NGEF: variants seen among roughly 807,000 people sequenced by gnomAD.
The protein encoded by NGEF is ephexin-1.
NGEF carries 31 observed loss-of-function variants against 80.9 expected under a neutral mutation model. The ratio of observed to expected loss-of-function variants is 0.38; its 90% confidence interval spans 0.29 to 0.52. The LOEUF (loss-of-function observed/expected upper bound fraction) is 0.52. Ranked by LOEUF, NGEF falls within the 20% of genes least tolerant of loss-of-function variation. The pLI, the probability that NGEF is intolerant of heterozygous loss-of-function variation, is 0.84. For synonymous variants in NGEF, 371 were observed against 370.2 expected (o/e 1.00, Z -0.03); for missense variants, 709 against 926.2 (o/e 0.77, Z 3.04).
intron 3 of NGEF, among the ~76,000 whole-genome samples, chr2:232,953,317 A>G (rs1171415708): frequency 3.8e-4 from 56 of 148,612 alleles, no homozygotes; most frequent in African/African-American, 1.2e-3. Flanking sequence ...AAAAAAAAAA[A>G]AAAGAAAAAG....
At chr2:232,971,457 G>A (rs1694182308) in intron 2 of NGEF, among the ~76,000 whole-genome samples, 1 of 152,306 alleles carries the variant, frequency 6.6e-6, no homozygotes, top group South Asian at 2.1e-4. Flanking sequence ...GGCTGAGGTG[G>A]GCGGATCACT....
intron 5 of NGEF, among the ~76,000 whole-genome samples, chr2:232,898,982 GTGAA>G (rs1484489986): frequency 2.0e-5 from 3 of 152,152 alleles, no homozygotes; most frequent in African/African-American, 7.2e-5. Context: ...ATGTGTGTGT[GTGAA>G]TGTGAGTGTG....
chr2:233,008,790 C>G (rs1695141859), intron 1 of NGEF, among the ~76,000 whole-genome samples: 2 of 151,576 alleles, frequency 1.3e-5, no homozygotes, highest in African/African-American at 4.8e-5. Context: ...AAAACTTTAC[C>G]ATCTGCATCT....
intron 5 of NGEF, among the ~76,000 whole-genome samples, chr2:232,899,787 CACAT>C (rs1268378013): frequency 1.7e-5 from 2 of 116,752 alleles, no homozygotes; most frequent in Non-Finnish European, 3.6e-5. Flanking sequence ...CACGTTCACT[CACAT>C]TCACTCACAC....
intron 3 of NGEF, among the ~76,000 whole-genome samples, chr2:232,952,300 T>C (rs893046461): frequency 5.9e-5 from 9 of 152,250 alleles, no homozygotes; most frequent in African/African-American, 2.2e-4. Flanking sequence ...CCAACAGATA[T>C]CTATAGAGCA....
chr2:232,884,247 G>A (rs2106215049), intron 10 of NGEF, 103 bp from the exon 11 acceptor site: 1 of 1,316,552 alleles, frequency 7.6e-7, no homozygotes, highest in South Asian at 1.6e-5. Flanking sequence ...CCTGCCCAGG[G>A]CCCCGACACA....
At chr2:232,893,469 A>G (rs984655033) in intron 6 of NGEF, among the ~76,000 whole-genome samples, 2 of 152,220 alleles carry the variant, frequency 1.3e-5, no homozygotes, top group South Asian at 2.1e-4. Flanking sequence ...ATACAAATAC[A>G]TAAGACAGAA....
At chr2:232,919,345 G>A (rs1692884150) in intron 5 of NGEF, among the ~76,000 whole-genome samples, 1 of 152,190 alleles carries the variant, frequency 6.6e-6, no homozygotes, top group Non-Finnish European at 1.5e-5. Context: ...GGACAAGCGC[G>A]AGGAATGCAG....
At chr2:232,895,363 C>A (rs979533208) in intron 5 of NGEF, among the ~76,000 whole-genome samples, 4 of 151,988 alleles carry the variant, frequency 2.6e-5, no homozygotes, top group Non-Finnish European at 4.4e-5. Flanking sequence ...CCTGTCTCTA[C>A]TAAAAATACA....
At chr2:232,914,944 G>T (rs945085255) in intron 5 of NGEF, among the ~76,000 whole-genome samples, 2 of 151,316 alleles carry the variant, frequency 1.3e-5, no homozygotes, top group African/African-American at 4.9e-5. Context: ...TTGAGCCTGG[G>T]AGGCAGAGGC....
rs757804348 is a variant in NGEF, at chr2:232,885,355, G to A, written c.1362C>T (p.Cys454=). Residue 454 remains cysteine, a synonymous_variant, in exon 10 of 15, where the codon TGC becomes TGT. Coordinates refer to ENST00000264051, the MANE Select transcript of NGEF (RefSeq NM_019850.3). ...HKELEMVVKA[C]NEGVRKMSRT... The stretch of plus-strand genomic sequence containing the variant: ...GGCTCATTTTCCTGACGCCCTCGTT[G>A]CATGCCTTCACCACCTGGGACAAGA... 1 of 1,614,052 alleles carries A rather than the reference G, an allele frequency of 6.2e-7. No homozygotes were observed. Among genetic ancestry groups the A allele is most frequent in the Non-Finnish European group, 8.5e-7 (1 of 1,179,972 alleles).
intron 3 of NGEF, among the ~76,000 whole-genome samples, chr2:232,938,469 T>C (rs1693373996): frequency 6.6e-6 from 1 of 152,066 alleles, no homozygotes. Context: ...GAGATATGGG[T>C]TTCTCTGGAC....
rs559376288 is a variant in NGEF, at chr2:232,901,922, C to T, written c.829-7006G>A. On this transcript the variant is annotated intron_variant, in intron 5 of 14. Transcript: ENST00000264051. ...TCTCCAGTATGCTGCTGGGAGCTAT[C>T]AGGGCCACCTGGGCCGCTGAAGACC... 4.6e-5 allele frequency among the ~76,000 whole-genome samples: 7 copies of T among 152,378 alleles called. No homozygotes were observed. The South Asian group carries it at 8.3e-4, about 18-fold the overall frequency.
intron 9 of NGEF, among the ~76,000 whole-genome samples, chr2:232,886,534 TTTC>T (rs1397896394): frequency 6.6e-6 from 1 of 152,236 alleles, no homozygotes; most frequent in Admixed American, 6.5e-5. Context: ...TGAAGTTTAT[TTTC>T]TTTTTACTTA....
At chr2:232,937,468 G>C (rs555633656) in intron 3 of NGEF, among the ~76,000 whole-genome samples, 1 of 152,272 alleles carries the variant, frequency 6.6e-6, no homozygotes, top group East Asian at 1.9e-4. Flanking sequence ...GTTAATGGAC[G>C]ATCCAGGCTG....
At chr2:232,948,105 G>A (rs1277582132) in intron 3 of NGEF, among the ~76,000 whole-genome samples, 1 of 151,646 alleles carries the variant, frequency 6.6e-6, no homozygotes, top group African/African-American at 2.4e-5. Context: ...GACATTTTGA[G>A]GACAATTGGG....
Position 232,949,419 on chromosome 2 carries a change from A to C in NGEF, c.383+20795T>G, listed in dbSNP as rs77148364. On this transcript the variant is annotated intron_variant, in intron 3 of 14. Transcript: ENST00000264051. ...AATATCTTTACTGCTTTTCACATAT[A>C]TTATGGAATTACAAAAGATTATACT... Among the ~76,000 whole-genome samples, 267 of 152,040 alleles carry C rather than the reference A, an allele frequency of 1.8e-3. 1 individual carries two copies. Among genetic ancestry groups the C allele is most frequent in the African/African-American group, 6.2e-3 (256 of 41,466 alleles).
rs79700910 is a variant in NGEF, at chr2:232,964,428, C to T, written c.383+5786G>A. Among the ~76,000 whole-genome samples the T allele has an allele frequency of 5.6e-3, 846 of 152,256 alleles. 19 individuals are homozygous for T. The East Asian group carries it at 0.076, about 14-fold the overall frequency. On this transcript the variant is annotated intron_variant, in intron 3 of 14. Coordinates refer to ENST00000264051, the MANE Select transcript of NGEF (RefSeq NM_019850.3). ...ATAATTTGGGCCGGGCGCGGTGGCT[C>T]GCACCTGTAATCCCAACATTTTGGG...
chr2:232,903,027 TTAATC>T (rs1384032062), intron 5 of NGEF, among the ~76,000 whole-genome samples: 21 of 130,558 alleles, frequency 1.6e-4, no homozygotes, highest in African/African-American at 5.6e-4. Flanking sequence ...CAAAAAATGT[TTAATC>T]TAGCACACTG....
Sources: gnomAD v4.1 joint callset for allele counts (sites outside exome capture counted in the v4.1 genomes callset) on GRCh38, gnomAD v4.1.1 for gene constraint, MANE v1.5 for transcripts, NCBI Gene and HGNC (gene_info 2026-07-23, HGNC 2026-07-21) for gene names.